Variants in NEK10 observed in about 807,000 individuals in gnomAD.
NEK10 encodes serine/threonine-protein kinase Nek10.
In NEK10, 122 loss-of-function variants were observed where a neutral mutation model predicts 159.8. The ratio of observed to expected loss-of-function variants is 0.76; its 90% CI spans 0.66 to 0.89. The LOEUF (loss-of-function observed/expected upper bound fraction) is 0.89, where lower values mean the gene tolerates loss of function less well. Among genes scored for constraint, NEK10 ranks in the 40% least tolerant of loss-of-function variants. NEK10 has a pLI of 0.00. For missense variants in NEK10, 1,342 were observed against 1,323.1 expected, an observed-to-expected ratio of 1.01 and a Z score of -0.22; for synonymous variants, 466 against 457.1, an observed-to-expected ratio of 1.02 and a Z score of -0.25.
At chr3:27,202,008 G>A (rs749762717) in intron 24 of NEK10, among the ~76,000 whole-genome samples, 4 of 151,880 alleles carry the variant, frequency 2.6e-5, no homozygotes, top group Non-Finnish European at 5.9e-5. Flanking sequence ...TAAAAAATTC[G>A]GGCATGGTGG....
rs549606093 is a variant in NEK10, at chr3:27,146,464, GC to G, written c.2870-4883del. Reference sequence around the variant, plus strand: ...GTTAAGGAAGGAAATCCATGAAGAAGCAAAAAATATATTGTTTTCATGAATG... The same window carrying G: ...GTTAAGGAAGGAAATCCATGAAGAAGAAAAAATATATTGTTTTCATGAATG... On this transcript the variant is annotated intron_variant, in intron 30 of 35. Transcript: ENST00000691995. 4.2e-3 allele frequency among the ~76,000 whole-genome samples: 646 copies of G among 152,226 alleles called. 6 individuals carry two copies. Among genetic ancestry groups the G allele is most frequent in the African/African-American group, 0.014 (574 of 41,536 alleles).
chr3:27,315,956 A>C (rs1401383451), intron 6 of NEK10, among the ~76,000 whole-genome samples: 2 of 152,202 alleles, frequency 1.3e-5, no homozygotes, highest in Admixed American at 1.3e-4. Context: ...AGCAAAGAGA[A>C]TAGGAGGCTC....
Position 27,344,371 on chromosome 3 carries a change from C to G in NEK10, c.264-1G>C, listed in dbSNP as rs765709123. On this transcript the variant is annotated splice_acceptor_variant, in intron 4 of 35. Transcript: ENST00000691995. LOFTEE classifies it high-confidence loss of function. ...ATTTCTCTCATTCTTGTAGTTTATACTGAGACAAAACAAACAGAAAAGGAT... is the reference window on the plus strand; with the variant it reads ...ATTTCTCTCATTCTTGTAGTTTATAGTGAGACAAAACAAACAGAAAAGGAT... 6.7e-7 allele frequency: 1 copy of G among 1,500,322 alleles called. No homozygotes were observed. Among genetic ancestry groups the G allele is most frequent in the South Asian group, 1.2e-5 (1 of 85,748 alleles). 92.9% of individuals were successfully genotyped at this position (1,500,322 alleles called of 1,614,324 possible). A position where few individuals can be genotyped will look rare whatever the true frequency, so the allele number is the denominator to read the frequency against.
rs78932111 is a variant in NEK10 at position 27,345,743 on chromosome 3, C to G, written c.263+343G>C. Among the ~76,000 whole-genome samples the G allele has an allele frequency of 2.2e-4, 34 of 152,288 alleles. 1 individual carries two copies. In the East Asian group the frequency reaches 6.4e-3, roughly 29 times the overall value. The stretch of plus-strand genomic sequence containing the variant: ...ACCACATCTGTTCACAGCAACGGCT[C>G]CTTTTATGCCATCTCATTACTGGCA... On this transcript the variant is annotated intron_variant, in intron 4 of 35. Coordinates refer to ENST00000691995, the MANE Select transcript of NEK10 (RefSeq NM_001394966.1).
chr3:27,293,724 A>G (rs2043159273), intron 15 of NEK10, 72 bp from the exon 16 acceptor site: 8 of 827,244 alleles, frequency 9.7e-6, no homozygotes, highest in South Asian at 1.7e-5. Flanking sequence ...GAAAGAATTA[A>G]CAGGAAGTAA....
intron 31 of NEK10, among the ~76,000 whole-genome samples, chr3:27,132,731 G>C (rs1380677671): frequency 1.3e-5 from 2 of 152,134 alleles, no homozygotes; most frequent in Admixed American, 6.5e-5. Context: ...ACATTTAGAA[G>C]AAGGATAATA....
rs544788898 is a variant in NEK10 at position 27,174,692 on chromosome 3, T to G, written c.2647A>C (p.Ile883Leu). The change falls in exon 27 of 36, where the codon ATC (isoleucine) becomes CTC (leucine). Residue 883 changes from isoleucine (I) to leucine (L), a missense_variant. Physicochemically the swap from Ile to Leu is conservative, Grantham distance 5 (BLOSUM62 2). Transcript: ENST00000691995. ...AGGTTGAAGTTATCATCTGACAGGA[T>G]TTCGTCACAGGCCCTGTCTTCGTCT... ...GKDEDRACDEILSDDNFNLEN... is the reference protein window; with the variant it reads ...GKDEDRACDELLSDDNFNLEN... The G allele has an allele frequency of 1.2e-6, 2 of 1,613,302 alleles. No individual in the cohort carries two copies. Among genetic ancestry groups the G allele is most frequent in the East Asian group, 4.5e-5 (2 of 44,872 alleles).
chr3:27,314,635 G>A (rs2045007807), intron 6 of NEK10, among the ~76,000 whole-genome samples: 1 of 152,178 alleles, frequency 6.6e-6, no homozygotes, highest in South Asian at 2.1e-4. Context: ...GAGTTGAGAA[G>A]AGCCATTAGA....
intron 1 of NEK10, among the ~76,000 whole-genome samples, chr3:27,354,905 C>T (rs1460869129): frequency 6.6e-6 from 1 of 152,174 alleles, no homozygotes; most frequent in African/African-American, 2.4e-5. Flanking sequence ...GCACTCCTCT[C>T]TTGTGGTAGT....
intron 25 of NEK10, among the ~76,000 whole-genome samples, chr3:27,200,199 G>C (rs1949929929): frequency 6.6e-6 from 1 of 152,124 alleles, no homozygotes; most frequent in Non-Finnish European, 1.5e-5. Flanking sequence ...TACAAAAACA[G>C]GTGAGGAGTA....
chr3:27,163,240 C>T (rs113378709), intron 29 of NEK10, among the ~76,000 whole-genome samples: 1 of 152,134 alleles, frequency 6.6e-6, no homozygotes, highest in African/African-American at 2.4e-5. Flanking sequence ...GTTATTTGAT[C>T]ATTTTACGAG....
chr3:27,172,465 T>C (rs1947099631), intron 28 of NEK10, among the ~76,000 whole-genome samples: 1 of 152,034 alleles, frequency 6.6e-6, no homozygotes, highest in Non-Finnish European at 1.5e-5. Context: ...GAAGGGAAGT[T>C]AGTATATCAA....
intron 9 of NEK10, 43 bp downstream of exon 9, chr3:27,310,906 G>A: frequency 8.3e-7 from 1 of 1,210,106 alleles, no homozygotes; most frequent in Admixed American, 1.7e-5. Flanking sequence ...GTGAACTATT[G>A]CCATAGGGAG....
chr3:27,153,588 T>G lies in NEK10; in HGVS notation c.2869+9113A>C, dbSNP rs1945107707. Reference sequence around the variant, plus strand: ...TGAGCCTCAATAAATGTTTAAAAATTGAAATTATATCAAGCACTCTCTTAG... The same window carrying G: ...TGAGCCTCAATAAATGTTTAAAAATGGAAATTATATCAAGCACTCTCTTAG... On this transcript the variant is annotated intron_variant, in intron 30 of 35. Coordinates refer to ENST00000691995, the MANE Select transcript of NEK10 (RefSeq NM_001394966.1). 2.0e-5 allele frequency among the ~76,000 whole-genome samples: 3 copies of G among 152,084 alleles called. No homozygotes were observed. The South Asian group carries it at 6.2e-4, about 32-fold the overall frequency.
At chr3:27,222,465 G>T (rs1278918461) in intron 23 of NEK10, among the ~76,000 whole-genome samples, 1 of 152,168 alleles carries the variant, frequency 6.6e-6, no homozygotes, top group Non-Finnish European at 1.5e-5. Context: ...ATGGGTATTT[G>T]TTACACATAT....
intron 23 of NEK10, chr3:27,252,094 C>G (rs1291662352): frequency 1.5e-5 from 3 of 201,948 alleles, no homozygotes; most frequent in Non-Finnish European, 3.2e-5. Flanking sequence ...TTCTGCTAGT[C>G]AACTCCTCTA....
At chr3:27,294,089 C>T (rs2043180750) in intron 15 of NEK10, among the ~76,000 whole-genome samples, 1 of 152,204 alleles carries the variant, frequency 6.6e-6, no homozygotes. Flanking sequence ...AAAATAGCCG[C>T]AGGCACACTG....
intron 26 of NEK10, among the ~76,000 whole-genome samples, chr3:27,178,031 C>T (rs1947699359): frequency 1.3e-5 from 2 of 152,032 alleles, no homozygotes; most frequent in South Asian, 2.1e-4. Context: ...AGACACATTC[C>T]GGATATCAAT....
chr3:27,133,619 A>G (rs1319348584), intron 31 of NEK10, among the ~76,000 whole-genome samples: 1 of 152,178 alleles, frequency 6.6e-6, no homozygotes, highest in Non-Finnish European at 1.5e-5. Context: ...TACTAAAAAT[A>G]CAAAATTAGC....
Sources: allele counts gnomAD v4.1 joint callset (sites outside exome capture counted in the v4.1 genomes callset), GRCh38; gene constraint gnomAD v4.1.1; transcripts MANE v1.5; gene names NCBI Gene and HGNC (gene_info 2026-07-23, HGNC 2026-07-21).